MYRIP: variants seen among roughly 807,000 people sequenced by gnomAD.
MYRIP encodes myosin VIIA and Rab interacting protein.
Under a neutral mutation model 98.0 loss-of-function variants are expected in MYRIP, and 49 were observed. That is an observed-to-expected ratio of 0.50 (90% CI 0.40 to 0.63). The LOEUF (loss-of-function observed/expected upper bound fraction) is 0.63. MYRIP is among the 30% of genes least tolerant of loss of function. MYRIP has a pLI of 0.00. For synonymous variants in MYRIP, 404 were observed against 409.5 expected, an observed-to-expected ratio of 0.99 and a Z score of 0.16; for missense variants, 1,004 against 1,058.2, an observed-to-expected ratio of 0.95 and a Z score of 0.71.
intron 11 of MYRIP, among the ~76,000 whole-genome samples, chr3:40,218,550 G>A (rs1378956752): frequency 1.4e-5 from 2 of 143,928 alleles, no homozygotes; most frequent in South Asian, 4.3e-4. Context: ...AAATTTTACT[G>A]TATGTAATAT....
intron 1 of MYRIP, among the ~76,000 whole-genome samples, chr3:39,885,691 T>C (rs1353909021): frequency 1.3e-5 from 2 of 152,090 alleles, no homozygotes; most frequent in South Asian, 2.1e-4. Flanking sequence ...AGGCTTTGCT[T>C]GTTTCTTTTT....
intron 1 of MYRIP, among the ~76,000 whole-genome samples, chr3:39,854,338 T>C (rs1942222186): frequency 6.6e-6 from 1 of 152,070 alleles, no homozygotes; most frequent in Non-Finnish European, 1.5e-5. Flanking sequence ...CTTTGTTAAT[T>C]TTTTTATTCT....
intron 1 of MYRIP, among the ~76,000 whole-genome samples, chr3:39,856,156 T>G (rs1942287571): frequency 6.6e-6 from 1 of 152,260 alleles, no homozygotes; most frequent in Non-Finnish European, 1.5e-5. Context: ...TCTTACACTT[T>G]GGGAACTCAC....
intron 8 of MYRIP, 62 bp downstream of exon 8, chr3:40,170,155 C>T: frequency 1.9e-6 from 3 of 1,574,506 alleles, no homozygotes; most frequent in South Asian, 2.3e-5. Context: ...ACACATTTAA[C>T]CCTCTGTAGT....
At chr3:39,846,378 G>T (rs536023326) in intron 1 of MYRIP, among the ~76,000 whole-genome samples, 1 of 152,048 alleles carries the variant, frequency 6.6e-6, no homozygotes, top group East Asian at 1.9e-4. Context: ...ACACTCCTTC[G>T]TCTGACCCTG....
At chr3:40,118,252 G>C (rs541013377) in intron 3 of MYRIP, among the ~76,000 whole-genome samples, 1 of 152,300 alleles carries the variant, frequency 6.6e-6, no homozygotes, top group African/African-American at 2.4e-5. Flanking sequence ...GTTGCCACAA[G>C]ACTATAAATT....
At chr3:40,238,899 T>G (rs975970253) in intron 12 of MYRIP, among the ~76,000 whole-genome samples, 1 of 152,274 alleles carries the variant, frequency 6.6e-6, no homozygotes, top group South Asian at 2.1e-4. Context: ...GGGTATTTTT[T>G]TATTTTTATT....
intron 11 of MYRIP, among the ~76,000 whole-genome samples, chr3:40,228,764 T>C (rs1952562189): frequency 6.6e-6 from 1 of 152,208 alleles, no homozygotes; most frequent in Non-Finnish European, 1.5e-5. Flanking sequence ...TCAAGACTTA[T>C]ATCACACACA....
chr3:40,002,490 G>A (rs575452184), intron 2 of MYRIP, among the ~76,000 whole-genome samples: 1 of 151,574 alleles, frequency 6.6e-6, no homozygotes, highest in Non-Finnish European at 1.5e-5. Flanking sequence ...AGCTGAGATC[G>A]CACCATTGCA....
chr3:39,981,604 G>T (rs1334918990), intron 2 of MYRIP, among the ~76,000 whole-genome samples: 1 of 152,100 alleles, frequency 6.6e-6, no homozygotes, highest in Admixed American at 6.6e-5. Context: ...ATGTTGTTGG[G>T]GTCTTGCTGC....
At chr3:39,885,653 T>A (rs1943276807) in intron 1 of MYRIP, among the ~76,000 whole-genome samples, 1 of 152,054 alleles carries the variant, frequency 6.6e-6, no homozygotes, top group Non-Finnish European at 1.5e-5. Flanking sequence ...ATAGATTTGG[T>A]CTTTTCACAT....
At chr3:39,919,285 C>T (rs1944245008) in intron 2 of MYRIP, among the ~76,000 whole-genome samples, 1 of 152,154 alleles carries the variant, frequency 6.6e-6, no homozygotes. Context: ...CCTGGGTGCC[C>T]CTGCTAGATT....
intron 2 of MYRIP, among the ~76,000 whole-genome samples, chr3:39,968,132 C>T (rs560767319): frequency 7.2e-5 from 11 of 151,870 alleles, no homozygotes; most frequent in Admixed American, 2.0e-4. Flanking sequence ...GTGTCTTTGC[C>T]GTGAAATCTT....
intron 2 of MYRIP, among the ~76,000 whole-genome samples, chr3:39,906,748 G>A (rs2070162684): frequency 6.6e-6 from 1 of 152,188 alleles, no homozygotes; most frequent in Non-Finnish European, 1.5e-5. Context: ...GGAGTGTGGG[G>A]CCCTCAGCTG....
chr3:40,080,190 G>A (rs1948443593), intron 3 of MYRIP, among the ~76,000 whole-genome samples: 1 of 152,186 alleles, frequency 6.6e-6, no homozygotes, highest in African/African-American at 2.4e-5. Flanking sequence ...TTTAACATGA[G>A]TGGATAGTTT....
At chr3:39,986,413 C>A (rs1164387622) in intron 2 of MYRIP, among the ~76,000 whole-genome samples, 1 of 151,736 alleles carries the variant, frequency 6.6e-6, no homozygotes, top group Admixed American at 6.6e-5. Context: ...CTCTCTCTTC[C>A]TCCCCACTCC....
At chr3:39,855,223 G>C (rs1942250144) in intron 1 of MYRIP, among the ~76,000 whole-genome samples, 1 of 152,152 alleles carries the variant, frequency 6.6e-6, no homozygotes, top group Non-Finnish European at 1.5e-5. Context: ...CTGGGGTCAG[G>C]TTTATTCTGT....
chr3:39,877,964 C>A (rs1300077915), intron 1 of MYRIP, among the ~76,000 whole-genome samples: 1 of 152,204 alleles, frequency 6.6e-6, no homozygotes, highest in East Asian at 1.9e-4. Context: ...CCTACAGAGG[C>A]AGGCAGGCCT....
At chr3:40,145,962 A>G (rs992460226) in intron 3 of MYRIP, among the ~76,000 whole-genome samples, 4 of 152,224 alleles carry the variant, frequency 2.6e-5, no homozygotes, top group African/African-American at 4.8e-5. Flanking sequence ...TTAAGTGTCT[A>G]CTAGGTGCAC....
Sources: allele counts gnomAD v4.1 joint callset (sites outside exome capture counted in the v4.1 genomes callset), GRCh38; gene constraint gnomAD v4.1.1; transcripts MANE v1.5; gene names NCBI Gene and HGNC (gene_info 2026-07-23, HGNC 2026-07-21).